CDKL4: variants seen among roughly 807,000 people sequenced by gnomAD.
CDKL4 encodes cyclin-dependent kinase-like 4.
Under a neutral mutation model 42.0 loss-of-function variants are expected in CDKL4, and 44 were observed. The ratio of observed to expected loss-of-function variants is 1.05; its 90% confidence interval spans 0.82 to 1.35. The LOEUF (loss-of-function observed/expected upper bound fraction) is 1.35. Among genes scored for constraint, CDKL4 ranks in the 40% most tolerant of loss-of-function variants. The pLI is 0.00. For missense variants in CDKL4, 393 were observed against 369.9 expected, an observed-to-expected ratio of 1.06 and a Z score of -0.51; for synonymous variants, 120 against 121.6, an observed-to-expected ratio of 0.99 and a Z score of 0.09.
At chr2:39,199,297 T>C in intron 5 of CDKL4, among the ~76,000 whole-genome samples, 1 of 151,794 alleles carries the variant, frequency 6.6e-6, no homozygotes, top group Non-Finnish European at 1.5e-5. Context: ...CAGGAAGAAA[T>C]AGAACCTCTG....
chr2:39,186,747 C>CT (rs1008636899), intron 7 of CDKL4, among the ~76,000 whole-genome samples: 6 of 151,170 alleles, frequency 4.0e-5, no homozygotes, highest in South Asian at 2.1e-4. Flanking sequence ...ATTTTAAATG[C>CT]TTTTTTTTTC....
chr2:39,186,808 A>G (rs1023309986), intron 7 of CDKL4, among the ~76,000 whole-genome samples: 1 of 152,186 alleles, frequency 6.6e-6, no homozygotes, highest in African/African-American at 2.4e-5. Context: ...TAATTATTTA[A>G]GGGAAAATTC....
intron 1 of CDKL4, among the ~76,000 whole-genome samples, chr2:39,231,574 TA>T (rs1679093728): frequency 6.6e-6 from 1 of 152,242 alleles, no homozygotes; most frequent in South Asian, 2.1e-4. Flanking sequence ...AATTCAAGCA[TA>T]CACACTCAAG....
downstream of CDKL4, among the ~76,000 whole-genome samples, chr2:39,172,849 T>A (rs927923320): frequency 3.9e-5 from 6 of 152,208 alleles, no homozygotes; most frequent in Non-Finnish European, 8.8e-5. Context: ...CCCAAAGTGC[T>A]GGGATTACAG....
chr2:39,180,759 C>T (rs546209489), intron 8 of CDKL4, among the ~76,000 whole-genome samples: 155 of 150,252 alleles, frequency 1.0e-3, no homozygotes, highest in Middle Eastern at 6.8e-3. Flanking sequence ...AGCGCCACCT[C>T]GGCTCACTGC....
At chr2:39,197,127 T>C (rs959551835) in intron 5 of CDKL4, among the ~76,000 whole-genome samples, 1 of 151,734 alleles carries the variant, frequency 6.6e-6, no homozygotes, top group African/African-American at 2.4e-5. Flanking sequence ...AGAGCATAAA[T>C]AAAAAAACAG....
At chr2:39,221,320 G>C (rs1382620794) in intron 3 of CDKL4, among the ~76,000 whole-genome samples, 1 of 152,028 alleles carries the variant, frequency 6.6e-6, no homozygotes, top group East Asian at 1.9e-4. Context: ...CGTCCACATT[G>C]ATGATCTTAT....
chr2:39,245,765 TTAGTCA>T (rs1679889410), upstream of CDKL4, among the ~76,000 whole-genome samples: 1 of 152,254 alleles, frequency 6.6e-6, no homozygotes, highest in Non-Finnish European at 1.5e-5. Context: ...TTCTCTGTCA[TTAGTCA>T]TTACTTTTCG....
At chr2:39,169,862 G>C in the CDKL4 span, among the ~76,000 whole-genome samples, 2 of 151,902 alleles carry the variant, frequency 1.3e-5, no homozygotes, top group African/African-American at 2.4e-5. Context: ...GCAGTGGCAT[G>C]ATCTCAGCTC....
Position 39,213,493 on chromosome 2 carries a change from G to C in CDKL4, c.291-21C>G, listed in dbSNP as rs1351645009. On this transcript the variant is annotated intron_variant, in intron 3 of 9. Coordinates refer to ENST00000451199, the Ensembl canonical transcript of CDKL4. ...CAACTCTGAGGGAAAAAATAAAAAA[G>C]GAAATGAAAACTCATAGGATAGAGT... 3.2e-6 allele frequency: 5 copies of C among 1,572,528 alleles called. No homozygotes were observed. The Admixed American group carries it at 8.4e-5, about 26-fold the overall frequency.
Position 39,204,477 on chromosome 2 carries a change from C to T in CDKL4, c.454+50G>A, listed in dbSNP as rs771261882. 4.9e-6 allele frequency: 5 copies of T among 1,013,728 alleles called. No individual in the cohort carries two copies. The South Asian group carries it at 6.6e-5, about 13-fold the overall frequency. 62.8% of individuals were successfully genotyped at this position (1,013,728 alleles called of 1,614,324 possible). On this transcript the variant is annotated intron_variant, in intron 5 of 9. Transcript: ENST00000451199. ...TCCAATGTAAGAATTTAAACTATGTCATTTTATCATCATCTGAACTGGGTA... is the reference window on the plus strand; with the variant it reads ...TCCAATGTAAGAATTTAAACTATGTTATTTTATCATCATCTGAACTGGGTA...
In CDKL4 at chr2:39,211,583, C is replaced by A. The variant is rs555188684; in HGVS notation, c.363+1817G>T. On this transcript the variant is annotated intron_variant, in intron 4 of 9. Transcript: ENST00000451199. ...TGTCATTGTTGCTAAGATATCATCTCATCACCCTGAGTGTTGATAAATAAA... is the reference window on the plus strand; with the variant it reads ...TGTCATTGTTGCTAAGATATCATCTAATCACCCTGAGTGTTGATAAATAAA... 2.6e-5 allele frequency among the ~76,000 whole-genome samples: 4 copies of A among 152,262 alleles called. No individual in the cohort carries two copies. In the South Asian group the frequency reaches 6.2e-4, roughly 24 times the overall value.
chr2:39,176,441 T>C (rs1675169342), intron 9 of CDKL4, among the ~76,000 whole-genome samples: 2 of 152,186 alleles, frequency 1.3e-5, no homozygotes, highest in East Asian at 3.8e-4. Context: ...TTATTTGTTT[T>C]TTCGACACCA....
chr2:39,204,707 C>G (rs747960543), intron 4 of CDKL4, 90 bp from the exon 5 acceptor site: 3 of 629,226 alleles, frequency 4.8e-6, no homozygotes, highest in Non-Finnish European at 7.9e-6. Flanking sequence ...GATACACAGC[C>G]TATGAGATAA....
At chr2:39,225,704 G>A in intron 3 of CDKL4, 135 bp downstream of exon 3, 3 of 791,132 alleles carry the variant, frequency 3.8e-6, no homozygotes, top group South Asian at 2.2e-5. Flanking sequence ...GACATCCTGA[G>A]ACTGGATGGG....
intron 1 of CDKL4, among the ~76,000 whole-genome samples, chr2:39,235,932 G>C (rs1679346334): frequency 6.6e-6 from 1 of 152,002 alleles, no homozygotes; most frequent in African/African-American, 2.4e-5. Flanking sequence ...AAGTGTGACT[G>C]ATACTCAGAA....
chr2:39,212,138 T>C (rs1677621109), intron 4 of CDKL4, among the ~76,000 whole-genome samples: 1 of 152,074 alleles, frequency 6.6e-6, no homozygotes, highest in African/African-American at 2.4e-5. Context: ...TCAGAAACTC[T>C]GGGGGTGGGG....
At chr2:39,218,558 G>C (rs1367533529) in intron 3 of CDKL4, among the ~76,000 whole-genome samples, 1 of 152,108 alleles carries the variant, frequency 6.6e-6, no homozygotes, top group Admixed American at 6.5e-5. Context: ...TTTCTGGAAG[G>C]GATTCACATT....
At chr2:39,231,243 CAAAA>C (rs1679080090) in intron 1 of CDKL4, among the ~76,000 whole-genome samples, 1 of 97,936 alleles carries the variant, frequency 1.0e-5, no homozygotes, top group Admixed American at 9.9e-5. Flanking sequence ...AACAAACAAA[CAAAA>C]AGAATGTATA....
Sources: allele counts gnomAD v4.1 joint callset (sites outside exome capture counted in the v4.1 genomes callset), GRCh38; gene constraint gnomAD v4.1.1; transcripts MANE v1.5; gene names NCBI Gene and HGNC (gene_info 2026-07-23, HGNC 2026-07-21).